The following IPO11 variants were observed in gnomAD, a reference collection of about 807,000 sequenced individuals.
IPO11 encodes importin-11.
In IPO11, 66 loss-of-function variants were observed where a neutral mutation model predicts 143.2. The ratio of observed to expected loss-of-function variants is 0.46; its 90% CI spans 0.38 to 0.57. The LOEUF is 0.57. Ranked by LOEUF, IPO11 falls within the 20% of genes least tolerant of loss-of-function variation. IPO11 has a pLI of 0.00. For synonymous variants in IPO11, 385 were observed against 377.8 expected (o/e 1.02, Z -0.22); for missense variants, 1,026 against 1,141.0 (o/e 0.90, Z 1.45).
At chr5:62,524,075 T>G (rs1238171431) in intron 20 of IPO11, among the ~76,000 whole-genome samples, 3 of 152,156 alleles carry the variant, frequency 2.0e-5, no homozygotes, top group African/African-American at 7.2e-5. Context: ...TTTCTTATTT[T>G]AATAACCGAT....
At chr5:62,537,159 T>G (rs762553105) in intron 23 of IPO11, 50 bp from the exon 24 acceptor site, 5 of 1,085,952 alleles carry the variant, frequency 4.6e-6, no homozygotes, top group Non-Finnish European at 6.9e-6. Flanking sequence ...TATGCCTTTT[T>G]GATATTACAG....
intron 27 of IPO11, among the ~76,000 whole-genome samples, chr5:62,586,268 A>AT (rs1744768233): frequency 6.6e-6 from 1 of 152,082 alleles, no homozygotes. Context: ...CTTTAGAAAT[A>AT]TTTTTTCTTT....
intron 6 of IPO11, among the ~76,000 whole-genome samples, chr5:62,468,335 C>G (rs940473441): frequency 6.6e-6 from 1 of 152,132 alleles, no homozygotes; most frequent in Non-Finnish European, 1.5e-5. Context: ...CCTTGGAATC[C>G]CATCAGTCTT....
intron 29 of IPO11, among the ~76,000 whole-genome samples, chr5:62,617,588 A>G (rs1746187983): frequency 6.6e-6 from 1 of 152,170 alleles, no homozygotes; most frequent in Non-Finnish European, 1.5e-5. Flanking sequence ...TTTAATGACA[A>G]TAAGATGAAT....
chr5:62,445,130 G>A (rs1029255713), intron 3 of IPO11, among the ~76,000 whole-genome samples: 7 of 151,980 alleles, frequency 4.6e-5, no homozygotes, highest in Non-Finnish European at 1.0e-4. Flanking sequence ...GCTGGAGCAC[G>A]AGTGGCAGTT....
chr5:62,546,915 A>G (rs1407485818), intron 24 of IPO11, among the ~76,000 whole-genome samples: 2 of 152,188 alleles, frequency 1.3e-5, no homozygotes, highest in Admixed American at 1.3e-4. Context: ...TATCTAGCAA[A>G]AAGAGGAGGA....
At chr5:62,457,276 C>G (rs569048196) in intron 5 of IPO11, among the ~76,000 whole-genome samples, 1 of 151,972 alleles carries the variant, frequency 6.6e-6, no homozygotes, top group African/African-American at 2.4e-5. Flanking sequence ...ATCCTTGGGG[C>G]CAGGAGTTTG....
In IPO11 at chr5:62,607,775, T is replaced by C. The variant is rs559399160; in HGVS notation, c.2763+5927T>C. On this transcript the variant is annotated intron_variant, in intron 29 of 29. Transcript: ENST00000325324. ...TCTCAACTTGCGCAGTTAACATTTA[T>C]CACTTCTAGTATCATGCCACATCTC... Among the ~76,000 whole-genome samples the C allele has an allele frequency of 2.4e-4, 36 of 152,064 alleles. 1 individual carries two copies. In the South Asian group the frequency reaches 7.3e-3, roughly 31 times the overall value.
intron 27 of IPO11, among the ~76,000 whole-genome samples, chr5:62,584,682 AT>A (rs573914742): frequency 8.8e-4 from 125 of 142,536 alleles, no homozygotes; most frequent in African/African-American, 2.4e-3. Context: ...GGTAATAGGC[AT>A]TTTTTTTTTC....
intron 6 of IPO11, among the ~76,000 whole-genome samples, chr5:62,470,026 G>A (rs532229955): frequency 1.3e-5 from 2 of 152,258 alleles, no homozygotes; most frequent in Middle Eastern, 6.8e-3. Context: ...TTAGAAACAT[G>A]AGTAGTAACA....
chr5:62,486,892 A>G (rs898175521), intron 12 of IPO11, among the ~76,000 whole-genome samples: 3 of 152,166 alleles, frequency 2.0e-5, no homozygotes, highest in African/African-American at 7.2e-5. Context: ...CTGAGATGAC[A>G]CATCCTCTGA....
chr5:62,441,480 A>T, intron 2 of IPO11, among the ~76,000 whole-genome samples: 1 of 117,148 alleles, frequency 8.5e-6, no homozygotes. Flanking sequence ...TACAGGCATG[A>T]GCCACTGTGC....
At position 62,627,543 on chromosome 5, in the gene IPO11, T is replaced by G; in HGVS notation, c.*225T>G. The G allele has an allele frequency of 4.7e-5, 17 of 362,508 alleles. No individual in the cohort carries two copies. Among genetic ancestry groups the G allele is most frequent in the East Asian group, 1.4e-4 (3 of 22,170 alleles). The allele number at this position is 362,508 out of a possible 1,614,324, so 22.5% of individuals were successfully genotyped here. A position where few individuals can be genotyped will look rare whatever the true frequency, so the allele number is the denominator to read the frequency against. On this transcript the variant is annotated 3_prime_UTR_variant, in exon 30 of 30. Coordinates refer to ENST00000325324, the MANE Select transcript of IPO11 (RefSeq NM_016338.5). ...TAATTTTATATTTATGAGGGGGCCC[T>G]TCACTAAAAAGTACATGTAAAAGTA...
At chr5:62,601,193 G>GT (rs1745493761) in intron 28 of IPO11, 1 of 152,244 alleles carries the variant, frequency 6.6e-6, no homozygotes, top group Non-Finnish European at 1.5e-5. Flanking sequence ...ACAGGAAACT[G>GT]TTTCTGTTAC....
At chr5:62,577,161 T>C (rs1744344227) in intron 27 of IPO11, among the ~76,000 whole-genome samples, 1 of 152,216 alleles carries the variant, frequency 6.6e-6, no homozygotes, top group African/African-American at 2.4e-5. Context: ...GACTAAACTT[T>C]GTTTTGCTGG....
At chr5:62,434,662 A>C (rs940652938) in intron 1 of IPO11, among the ~76,000 whole-genome samples, 2 of 152,116 alleles carry the variant, frequency 1.3e-5, no homozygotes, top group Non-Finnish European at 2.9e-5. Flanking sequence ...TTAAAAGTAA[A>C]ATATCTCAGT....
intron 5 of IPO11, among the ~76,000 whole-genome samples, chr5:62,456,475 C>T (rs1441075223): frequency 2.6e-5 from 4 of 152,140 alleles, no homozygotes; most frequent in Admixed American, 1.3e-4. Context: ...CCCCAAATCA[C>T]GATGTGTAAC....
At chr5:62,454,051 C>G (rs1278370384) in intron 5 of IPO11, among the ~76,000 whole-genome samples, 1 of 152,116 alleles carries the variant, frequency 6.6e-6, no homozygotes, top group African/African-American at 2.4e-5. Flanking sequence ...AGGAGAATGA[C>G]GTGAACCTAG....
At chr5:62,469,351 C>T (rs1745686795) in intron 6 of IPO11, among the ~76,000 whole-genome samples, 1 of 152,208 alleles carries the variant, frequency 6.6e-6, no homozygotes, top group Admixed American at 6.5e-5. Flanking sequence ...CAGCTACATT[C>T]TAAACTTAAT....
Sources: allele counts gnomAD v4.1 joint callset (sites outside exome capture counted in the v4.1 genomes callset), GRCh38; gene constraint gnomAD v4.1.1; transcripts MANE v1.5; gene names NCBI Gene and HGNC (gene_info 2026-07-23, HGNC 2026-07-21).